Variants in BNIP1 observed in about 807,000 individuals in gnomAD.
BNIP1 encodes the protein BCL2 interacting protein 1, also known as vesicle transport protein SEC20.
In BNIP1, 25 loss-of-function variants were observed where a neutral mutation model predicts 28.5. The observed-to-expected ratio is 0.88, with a 90% CI of 0.64 to 1.23. The LOEUF (loss-of-function observed/expected upper bound fraction) is 1.23, where lower values mean the gene tolerates loss of function less well. Among genes scored for constraint, BNIP1 ranks in the 50% most tolerant of loss-of-function variants. The pLI is 0.00. For missense variants in BNIP1, 276 were observed against 277.0 expected (o/e 1.00, Z 0.02); for synonymous variants, 118 against 101.7 (o/e 1.16, Z -0.96).
At chr5:173,160,497 G>A (rs1316737546) in intron 5 of BNIP1, among the ~76,000 whole-genome samples, 1 of 152,142 alleles carries the variant, frequency 6.6e-6, no homozygotes, top group Non-Finnish European at 1.5e-5. Context: ...GCCTCCCAAA[G>A]TGCTGGGATT....
At chr5:173,153,930 G>C (rs5745135) in intron 2 of BNIP1, among the ~76,000 whole-genome samples, 14,841 of 152,174 alleles carry the variant, frequency 0.098, 828 homozygotes, top group South Asian at 0.16. Flanking sequence ...TGAGTATCTG[G>C]AAATGAACAG....
chr5:173,160,910 C>G, intron 5 of BNIP1: 2 of 456,164 alleles, frequency 4.4e-6, no homozygotes, highest in Non-Finnish European at 8.8e-6. Context: ...CAGAGTGTCT[C>G]CTCTGTGATG....
rs5745142 is a variant in BNIP1, at chr5:173,155,389, A to G, written c.269+976A>G. 5.9e-3 allele frequency among the ~76,000 whole-genome samples: 901 copies of G among 152,278 alleles called. 13 individuals are homozygous for G. Among genetic ancestry groups the G allele is most frequent in the African/African-American group, 0.02 (839 of 41,562 alleles). ...CAAACATATTTGAGGTATTCAGATC[A>G]TTCTCTCTCTTTTTTAAAAATACAT... On this transcript the variant is annotated intron_variant, in intron 3 of 5. Transcript: ENST00000351486.
chr5:173,163,586 G>T (rs1178798282), intron 5 of BNIP1, 139 bp from the exon 6 acceptor site: 3 of 715,348 alleles, frequency 4.2e-6, no homozygotes, highest in East Asian at 2.9e-5. Flanking sequence ...TCCTTGGCTG[G>T]TCTCCACATG....
intron 2 of BNIP1, among the ~76,000 whole-genome samples, chr5:173,148,963 A>G (rs994242573): frequency 1.3e-5 from 2 of 151,956 alleles, no homozygotes; most frequent in African/African-American, 4.8e-5. Flanking sequence ...TTCTCCTGGA[A>G]TTCTTCTCAC....
At chr5:173,146,477 C>T (rs1316287862) in intron 1 of BNIP1, among the ~76,000 whole-genome samples, 4 of 152,152 alleles carry the variant, frequency 2.6e-5, no homozygotes, top group Non-Finnish European at 5.9e-5. Context: ...ATTTAAACAT[C>T]CTGATCTTCC....
chr5:173,156,479 A>T (rs1760188604), intron 3 of BNIP1, among the ~76,000 whole-genome samples: 1 of 135,352 alleles, frequency 7.4e-6, no homozygotes, highest in Non-Finnish European at 1.5e-5. Context: ...CTCATCTATT[A>T]AAAAAAAAAA....
chr5:173,145,414 T>G (rs1349986441), intron 1 of BNIP1, among the ~76,000 whole-genome samples: 2 of 152,248 alleles, frequency 1.3e-5, no homozygotes, highest in East Asian at 1.9e-4. Context: ...TTGTTTTTGT[T>G]TTTTTGAGAC....
intron 3 of BNIP1, among the ~76,000 whole-genome samples, chr5:173,158,183 G>T (rs1334732539): frequency 2.0e-5 from 3 of 151,552 alleles, no homozygotes; most frequent in African/African-American, 7.3e-5. Context: ...CCCCCACCTC[G>T]GCCTCCTAAA....
chr5:173,155,612 C>A (rs562612055), intron 3 of BNIP1, among the ~76,000 whole-genome samples: 1 of 152,146 alleles, frequency 6.6e-6, no homozygotes, highest in Non-Finnish European at 1.5e-5. Context: ...GCAGGAGAAT[C>A]GCTTGAGCCC....
At chr5:173,163,070 C>T (rs752181566) in intron 5 of BNIP1, among the ~76,000 whole-genome samples, 30 of 152,186 alleles carry the variant, frequency 2.0e-4, no homozygotes, top group Non-Finnish European at 2.5e-4. Context: ...TCGCCAGGTA[C>T]ACCTTCTACC....
rs779385258 is a variant in BNIP1 at position 173,160,028 on chromosome 5, G to A, written c.467G>A (p.Ser156Asn). The A allele has an allele frequency of 3.7e-6, 6 of 1,613,934 alleles. No individual in the cohort carries two copies. The East Asian group carries it at 1.1e-4, about 30-fold the overall frequency. Residue 156 changes from serine to asparagine, a missense_variant, in exon 5 of 6, where the codon AGC becomes AAC. By Grantham distance (46) the Ser-to-Asn change is conservative. Transcript: ENST00000351486. ...SRMMAQQVQQ[S>N]EEAMQSLVTS... ...ATGATGGCCCAGCAGGTCCAGCAGA[G>A]CGAGGAGGCCATGCAGTCTCTAGGT...
chr5:173,159,167 A>G (rs1032619001), intron 4 of BNIP1, among the ~76,000 whole-genome samples: 1 of 152,010 alleles, frequency 6.6e-6, no homozygotes, highest in Non-Finnish European at 1.5e-5. Flanking sequence ...CCTCCAAAGT[A>G]TCTGGGATTA....
chr5:173,158,632 C>A, intron 3 of BNIP1, 112 bp from the exon 4 acceptor site: 1 of 753,954 alleles, frequency 1.3e-6, no homozygotes, highest in Non-Finnish European at 2.2e-6. Context: ...CTCTGAAGGC[C>A]GTGCCTGGTG....
intron 2 of BNIP1, among the ~76,000 whole-genome samples, chr5:173,151,076 C>T (rs146233746): frequency 1.3e-5 from 2 of 152,212 alleles, no homozygotes; most frequent in African/African-American, 4.8e-5. Context: ...ACTTTGTGAT[C>T]AGCCTGCCTC....
rs1158968525 is a variant in BNIP1 at position 173,159,913 on chromosome 5, CTCT to C, written c.372-17_372-15del. ...GCTTTTGTTGACATTCCTCCCCTTT[CTCT>C]TCCTCTGAACTTTTAGGAAAACCAC... is the stretch of plus-strand genomic sequence containing the variant. On this transcript the variant is annotated splice_polypyrimidine_tract_variant and intron_variant, in intron 4 of 5. Coordinates refer to ENST00000351486, the MANE Select transcript of BNIP1 (RefSeq NM_001205.3). 2.5e-6 allele frequency: 4 copies of C among 1,609,078 alleles called. No individual in the cohort carries two copies. The Admixed American group carries it at 5.0e-5, about 20-fold the overall frequency.
chr5:173,155,467 G>A (rs564360882), intron 3 of BNIP1, among the ~76,000 whole-genome samples: 4 of 152,290 alleles, frequency 2.6e-5, no homozygotes, highest in South Asian at 4.1e-4. Flanking sequence ...TTGGGAGGCC[G>A]AGGTGGGCAG....
In BNIP1 at chr5:173,148,076, AAAAAAAAATATATATATATATAT is replaced by A. The variant is rs1759895051; in HGVS notation, c.177+1120_177+1142del. On this transcript the variant is annotated intron_variant, in intron 2 of 5. Coordinates refer to ENST00000351486, the MANE Select transcript of BNIP1 (RefSeq NM_001205.3). ...AGACTCTGTGTCAAAAAAAAAAAAAAAAAAAAAATATATATATATATATATATATATATATATATATATATATA... is the reference window on the plus strand; with the variant it reads ...AGACTCTGTGTCAAAAAAAAAAAAAAATATATATATATATATATATATATA... Among the ~76,000 whole-genome samples the A allele has an allele frequency of 8.5e-5, 4 of 46,814 alleles. 1 individual carries two copies. The highest frequency in any genetic ancestry group is 8.4e-4 in the South Asian group (1 of 1,190). The allele number at this position is 46,814 out of a possible 152,430, so 30.7% of individuals were successfully genotyped here.
chr5:173,158,714 C>T (rs770588782), intron 3 of BNIP1, 30 bp from the exon 4 acceptor site: 1 of 1,557,102 alleles, frequency 6.4e-7, no homozygotes, highest in Non-Finnish European at 8.8e-7. Context: ...GTGGAGTGGA[C>T]ACACTCACAC....
Sources: allele counts gnomAD v4.1 joint callset (sites outside exome capture counted in the v4.1 genomes callset), GRCh38; gene constraint gnomAD v4.1.1; transcripts MANE v1.5; gene names NCBI Gene and HGNC (gene_info 2026-07-23, HGNC 2026-07-21).